Variants in RUNX2 observed in about 807,000 individuals in gnomAD.
RUNX2 encodes runt-related transcription factor 2.
In RUNX2, 10 loss-of-function variants were observed where a neutral mutation model predicts 51.7. The observed-to-expected ratio is 0.19, with a 90% CI of 0.12 to 0.33. The LOEUF is 0.33. Among genes scored for constraint, RUNX2 ranks in the 10% least tolerant of loss-of-function variants. The pLI is 1.00. For synonymous variants in RUNX2, 276 were observed against 273.6 expected (o/e 1.01, Z -0.09); for missense variants, 562 against 691.3 (o/e 0.81, Z 2.10).
chr6:45,395,506 C>T (rs1483882449), intron 2 of RUNX2, among the ~76,000 whole-genome samples: 2 of 152,018 alleles, frequency 1.3e-5, no homozygotes, highest in Non-Finnish European at 2.9e-5. Flanking sequence ...CAAATTCTTC[C>T]TAAAACATAA....
At chr6:45,430,966 GCT>G (rs1356501250) in intron 3 of RUNX2, among the ~76,000 whole-genome samples, 2 of 152,150 alleles carry the variant, frequency 1.3e-5, no homozygotes, top group Non-Finnish European at 2.9e-5. Flanking sequence ...TCCTTACTGG[GCT>G]CTGTGTTAAT....
At chr6:45,511,135 A>G (rs989795119) in intron 6 of RUNX2, among the ~76,000 whole-genome samples, 1 of 152,246 alleles carries the variant, frequency 6.6e-6, no homozygotes, top group Non-Finnish European at 1.5e-5. Context: ...TAAGAGCAAA[A>G]GAGTTTGAAA....
At chr6:45,503,936 T>G (rs1054579340) in intron 6 of RUNX2, among the ~76,000 whole-genome samples, 2 of 152,230 alleles carry the variant, frequency 1.3e-5, no homozygotes. Context: ...CTAAGTTTAC[T>G]AATTCTCTCT....
At chr6:45,433,712 A>G (rs756609033) in intron 4 of RUNX2, among the ~76,000 whole-genome samples, 4 of 152,212 alleles carry the variant, frequency 2.6e-5, no homozygotes, top group Non-Finnish European at 5.9e-5. Flanking sequence ...TCAAAGAGAA[A>G]CAAAGGGTGT....
chr6:45,507,743 A>G (rs544735411), intron 6 of RUNX2, among the ~76,000 whole-genome samples: 96 of 152,344 alleles, frequency 6.3e-4, no homozygotes, highest in African/African-American at 2.1e-3. Context: ...AAGGATATCA[A>G]CGTGACTAAC....
chr6:45,370,986 A>G (rs1022859715), intron 2 of RUNX2, among the ~76,000 whole-genome samples: 4 of 152,210 alleles, frequency 2.6e-5, no homozygotes, highest in African/African-American at 4.8e-5. Context: ...ATTATCCTTA[A>G]GCCCTGACAA....
At chr6:45,452,327 A>G (rs1003830969) in intron 5 of RUNX2, among the ~76,000 whole-genome samples, 1 of 152,216 alleles carries the variant, frequency 6.6e-6, no homozygotes, top group South Asian at 2.1e-4. Context: ...TTTATTTCTG[A>G]AAACAGAAAC....
At chr6:45,334,246 G>A (rs1248826607) in intron 2 of RUNX2, among the ~76,000 whole-genome samples, 1 of 150,614 alleles carries the variant, frequency 6.6e-6, no homozygotes, top group Non-Finnish European at 1.5e-5. Flanking sequence ...CAGTTACATC[G>A]ATTTTTTACA....
At chr6:45,408,066 GT>G (rs1247623894) in intron 2 of RUNX2, among the ~76,000 whole-genome samples, 1 of 152,016 alleles carries the variant, frequency 6.6e-6, no homozygotes, top group African/African-American at 2.4e-5. Flanking sequence ...AAAGTTAACT[GT>G]TTTTTTGGAA....
Position 45,370,007 on chromosome 6 carries a change from G to A in RUNX2, c.58+41223G>A, listed in dbSNP as rs73735395. Among the ~76,000 whole-genome samples the A allele has an allele frequency of 7.2e-3, 1,096 of 152,248 alleles. 19 individuals carry two copies. Among genetic ancestry groups the A allele is most frequent in the African/African-American group, 0.025 (1,044 of 41,544 alleles). On this transcript the variant is annotated intron_variant, in intron 2 of 8. Transcript: ENST00000647337. ...ATCTTATAAAGCCTTTAGGCCACAGGAGTTTACATTTCACTTGAGTGTAAT... is the reference window on the plus strand; with the variant it reads ...ATCTTATAAAGCCTTTAGGCCACAGAAGTTTACATTTCACTTGAGTGTAAT...
At chr6:45,532,905 CT>C (rs10706582) in intron 7 of RUNX2, among the ~76,000 whole-genome samples, 27,886 of 125,338 alleles carry the variant, frequency 0.22, 2,775 homozygotes, top group Admixed American at 0.25. Flanking sequence ...AGACCGGGCT[CT>C]TTTTTTTTTT....
At chr6:45,375,475 C>A (rs751609599) in intron 2 of RUNX2, among the ~76,000 whole-genome samples, 1 of 152,176 alleles carries the variant, frequency 6.6e-6, no homozygotes, top group Non-Finnish European at 1.5e-5. Context: ...TTCTCTCCAT[C>A]TGATTTAACT....
At chr6:45,362,065 A>C (rs1445371718) in intron 2 of RUNX2, among the ~76,000 whole-genome samples, 1 of 152,076 alleles carries the variant, frequency 6.6e-6, no homozygotes, top group Non-Finnish European at 1.5e-5. Flanking sequence ...AACAACAACA[A>C]CAACAACAAC....
At chr6:45,501,622 A>T (rs1486083835) in intron 6 of RUNX2, among the ~76,000 whole-genome samples, 3 of 152,222 alleles carry the variant, frequency 2.0e-5, no homozygotes, top group Non-Finnish European at 4.4e-5. Context: ...ACTTTCTGGC[A>T]GGCTTTTTAA....
chr6:45,389,954 C>T (rs1018257744), intron 2 of RUNX2, among the ~76,000 whole-genome samples: 12 of 151,358 alleles, frequency 7.9e-5, no homozygotes, highest in South Asian at 4.2e-4. Context: ...TGCAGTGAGC[C>T]GAGATTGAAC....
At chr6:45,333,818 A>G (rs574716889) in intron 2 of RUNX2, among the ~76,000 whole-genome samples, 61 of 151,348 alleles carry the variant, frequency 4.0e-4, no homozygotes, top group African/African-American at 1.4e-3. Flanking sequence ...TAATACTCAT[A>G]AATCCAATAT....
intron 5 of RUNX2, among the ~76,000 whole-genome samples, chr6:45,448,446 AGGGAAGAAAATAAT>A (rs1357879612): frequency 3.9e-5 from 6 of 152,152 alleles, no homozygotes; most frequent in Non-Finnish European, 7.3e-5. Flanking sequence ...AATTAAGAAG[AGGGAAGAAAATAAT>A]GTGTGGACTA....
chr6:45,423,970 G>A lies in RUNX2; in HGVS notation c.423+1013G>A, dbSNP rs1475001592. 2.6e-5 allele frequency among the ~76,000 whole-genome samples: 4 copies of A among 152,234 alleles called. No homozygotes were observed. The East Asian group carries it at 7.7e-4, about 29-fold the overall frequency. The stretch of plus-strand genomic sequence containing the variant: ...TAGTTCGCCCAACTTGAAAACGGAG[G>A]TGAAATTTTGTATTTTTGCTTTATT... On this transcript the variant is annotated intron_variant, in intron 3 of 8. Transcript: ENST00000647337.
intron 2 of RUNX2, among the ~76,000 whole-genome samples, chr6:45,402,505 C>G (rs1797733757): frequency 6.6e-6 from 1 of 152,072 alleles, no homozygotes; most frequent in Non-Finnish European, 1.5e-5. Context: ...ATAGAGCTTC[C>G]TATAACATGC....
Sources: gnomAD v4.1 joint callset for allele counts (sites outside exome capture counted in the v4.1 genomes callset) on GRCh38, gnomAD v4.1.1 for gene constraint, MANE v1.5 for transcripts, NCBI Gene and HGNC (gene_info 2026-07-23, HGNC 2026-07-21) for gene names.